The following LDLRAD3 variants were observed in gnomAD, a reference collection of about 807,000 sequenced individuals.
The protein encoded by LDLRAD3 is low-density lipoprotein receptor class A domain-containing protein 3.
In LDLRAD3, 20 loss-of-function variants were observed where a neutral mutation model predicts 29.4. The observed-to-expected ratio is 0.68, with a 90% confidence interval of 0.48 to 0.99. The LOEUF is 0.99. Ranked by LOEUF, LDLRAD3 falls within the 50% of genes least tolerant of loss-of-function variation. The probability of loss-of-function intolerance (pLI) is 0.00; values close to 1 mark genes in which losing one functional copy is unlikely to be tolerated. For synonymous variants in LDLRAD3, 157 were observed against 192.7 expected (o/e 0.81, Z 1.53); for missense variants, 420 against 454.3 (o/e 0.92, Z 0.69).
chr11:36,030,435 A>AGT (rs3080139), intron 1 of LDLRAD3, among the ~76,000 whole-genome samples: 263 of 147,806 alleles, frequency 1.8e-3, no homozygotes, highest in African/African-American at 5.3e-3. Context: ...CTGTGCATGG[A>AGT]GTGTGTGTGT....
chr11:35,967,762 T>C (rs1851360471), intron 1 of LDLRAD3: 1 of 472,876 alleles, frequency 2.1e-6, no homozygotes. Context: ...CCTTGAGTTT[T>C]GGCTCTTGGA....
At chr11:36,203,206 G>A (rs1855152823) in intron 4 of LDLRAD3, among the ~76,000 whole-genome samples, 3 of 152,224 alleles carry the variant, frequency 2.0e-5, no homozygotes, top group African/African-American at 7.2e-5. Context: ...GGCCTCAAGC[G>A]ATCCTCCCAT....
intron 4 of LDLRAD3, chr11:36,163,545 T>C (rs1214802970): frequency 6.6e-6 from 1 of 152,150 alleles, no homozygotes; most frequent in Non-Finnish European, 1.5e-5. Flanking sequence ...ACCAACCATA[T>C]GTGGAAATCC....
intron 4 of LDLRAD3, among the ~76,000 whole-genome samples, chr11:36,107,313 G>A (rs1192731669): frequency 1.3e-5 from 2 of 151,608 alleles, no homozygotes; most frequent in Non-Finnish European, 2.9e-5. Flanking sequence ...CAGTTCTCCT[G>A]CCACAGCCTC....
intron 4 of LDLRAD3, among the ~76,000 whole-genome samples, chr11:36,116,088 G>C (rs949919913): frequency 6.6e-6 from 1 of 152,152 alleles, no homozygotes; most frequent in Non-Finnish European, 1.5e-5. Context: ...TAGGATTGCT[G>C]GGAGGAAATG....
intron 4 of LDLRAD3, among the ~76,000 whole-genome samples, chr11:36,128,117 C>CATATACATATATATATATATAT (rs1554966874): frequency 6.1e-5 from 6 of 98,952 alleles, no homozygotes; most frequent in Non-Finnish European, 9.2e-5. Context: ...GTTGTTTTTA[C>CATATACATATATATATATATAT]ATATATATAT....
intron 4 of LDLRAD3, among the ~76,000 whole-genome samples, chr11:36,194,956 G>C (rs1855010372): frequency 6.6e-6 from 1 of 152,214 alleles, no homozygotes; most frequent in Non-Finnish European, 1.5e-5. Context: ...TCTGGAGTCA[G>C]ACAGCTCATC....
intron 4 of LDLRAD3, chr11:36,197,025 C>G (rs1855043880): frequency 6.6e-6 from 1 of 152,142 alleles, no homozygotes; most frequent in Non-Finnish European, 1.5e-5. Context: ...GCCCAGAGTC[C>G]CGGCTGTAGA....
chr11:36,133,602 C>T (rs1489306705), intron 4 of LDLRAD3, among the ~76,000 whole-genome samples: 1 of 141,410 alleles, frequency 7.1e-6, no homozygotes, highest in Non-Finnish European at 1.5e-5. Flanking sequence ...GGCTGTGTCT[C>T]AGCTCACTGC....
chr11:36,144,204 G>A (rs1005934961), intron 4 of LDLRAD3, among the ~76,000 whole-genome samples: 2 of 152,006 alleles, frequency 1.3e-5, no homozygotes, highest in African/African-American at 4.8e-5. Flanking sequence ...GTGCCGGGAT[G>A]GCAGACAGAG....
chr11:36,057,542 A>G (rs1346115803), intron 2 of LDLRAD3, among the ~76,000 whole-genome samples: 1 of 152,096 alleles, frequency 6.6e-6, no homozygotes, highest in African/African-American at 2.4e-5. Flanking sequence ...AGAATCTCTT[A>G]GTTGTCAGAT....
At chr11:35,979,883 A>G (rs1396993032) in intron 1 of LDLRAD3, among the ~76,000 whole-genome samples, 2 of 152,216 alleles carry the variant, frequency 1.3e-5, no homozygotes, top group African/African-American at 4.8e-5. Flanking sequence ...TACTGGATAT[A>G]TCCTCTTCCC....
At position 36,167,498 on chromosome 11, in the gene LDLRAD3, GAGACAC is replaced by G. The variant is rs1258374959; in HGVS notation, c.455-59582_455-59577del. Among the ~76,000 whole-genome samples, 59 of 11,110 alleles carry G rather than the reference GAGACAC, an allele frequency of 5.3e-3. No homozygotes were observed. In the Non-Finnish European group the frequency reaches 0.061, roughly 11 times the overall value. 7.3% of individuals were successfully genotyped at this position (11,110 alleles called of 152,430 possible). A position where few individuals can be genotyped will look rare whatever the true frequency, so the allele number is the denominator to read the frequency against. Reference sequence around the variant, plus strand: ...GTAAGAAGAAGGAATTTTGGACACAGAGACACAGACTCACAGGACCACGTGAAGACA... The same window carrying G: ...GTAAGAAGAAGGAATTTTGGACACAGAGACTCACAGGACCACGTGAAGACA... On this transcript the variant is annotated intron_variant, in intron 4 of 5. Coordinates refer to ENST00000315571, the MANE Select transcript of LDLRAD3 (RefSeq NM_174902.4).
intron 1 of LDLRAD3, among the ~76,000 whole-genome samples, chr11:36,027,187 T>C (rs1852178100): frequency 6.6e-6 from 1 of 152,196 alleles, no homozygotes; most frequent in South Asian, 2.1e-4. Context: ...GCTTCAAATT[T>C]TTGCAAGTTG....
chr11:36,039,287 C>T (rs1852350686), intron 2 of LDLRAD3, among the ~76,000 whole-genome samples: 1 of 152,106 alleles, frequency 6.6e-6, no homozygotes. Flanking sequence ...CTTATATATT[C>T]CCTTTCAGCC....
intron 4 of LDLRAD3, among the ~76,000 whole-genome samples, chr11:36,199,523 G>A (rs931556272): frequency 6.6e-6 from 1 of 152,034 alleles, no homozygotes; most frequent in Admixed American, 6.5e-5. Flanking sequence ...CTCAATGAGG[G>A]TCCCTGTTAT....
intron 1 of LDLRAD3, among the ~76,000 whole-genome samples, chr11:35,984,789 G>T (rs1851587838): frequency 6.6e-6 from 1 of 151,138 alleles, no homozygotes; most frequent in African/African-American, 2.4e-5. Context: ...GCATCACCAC[G>T]CCTGGCTAAT....
intron 4 of LDLRAD3, among the ~76,000 whole-genome samples, chr11:36,129,843 A>G (rs542501968): frequency 6.6e-6 from 1 of 152,250 alleles, no homozygotes; most frequent in East Asian, 1.9e-4. Context: ...ATCAAACTGC[A>G]TCTTTTCCCT....
chr11:36,176,707 A>G (rs1457016611), intron 4 of LDLRAD3, among the ~76,000 whole-genome samples: 1 of 152,160 alleles, frequency 6.6e-6, no homozygotes, highest in African/African-American at 2.4e-5. Context: ...GTTTTCCTTT[A>G]TAGGTTACCT....
Sources: gnomAD v4.1 joint callset for allele counts (sites outside exome capture counted in the v4.1 genomes callset) on GRCh38, gnomAD v4.1.1 for gene constraint, MANE v1.5 for transcripts, NCBI Gene and HGNC (gene_info 2026-07-23, HGNC 2026-07-21) for gene names.